The following NRXN1 variants were observed in gnomAD, a reference collection of about 807,000 sequenced individuals.
NRXN1 encodes the protein neurexin-1.
NRXN1 carries 39 observed loss-of-function variants against 150.9 expected under a neutral mutation model. The ratio of observed to expected loss-of-function variants is 0.26; its 90% confidence interval spans 0.20 to 0.34. NRXN1 has a LOEUF of 0.34. Ranked by LOEUF, NRXN1 falls within the 10% of genes least tolerant of loss-of-function variation. The pLI is 1.00. For missense variants in NRXN1, 1,815 were observed against 1,949.9 expected (o/e 0.93, Z 1.30); for synonymous variants, 924 against 757.0 (o/e 1.22, Z -3.62).
At chr2:50,431,979 C>T (rs746126503) in intron 17 of NRXN1, among the ~76,000 whole-genome samples, 1 of 152,156 alleles carries the variant, frequency 6.6e-6, no homozygotes, top group Non-Finnish European at 1.5e-5. Context: ...TGTATGTAAT[C>T]CTCACCACTA....
intron 21 of NRXN1, among the ~76,000 whole-genome samples, chr2:50,042,044 C>A (rs927665830): frequency 5.3e-5 from 8 of 152,166 alleles, no homozygotes; most frequent in Non-Finnish European, 1.2e-4. Context: ...ATATCGCATC[C>A]ACCCCTTTTT....
At position 50,276,368 on chromosome 2, in the gene NRXN1, G is replaced by A. The variant is rs1472305318; in HGVS notation, c.3365-39398C>T. Among the ~76,000 whole-genome samples the A allele has an allele frequency of 3.3e-5, 5 of 152,064 alleles. No homozygotes were observed. In the East Asian group the frequency reaches 9.6e-4, roughly 29 times the overall value. On this transcript the variant is annotated intron_variant, in intron 17 of 22. Coordinates refer to ENST00000401669, the MANE Select transcript of NRXN1 (RefSeq NM_001330078.2). ...CATGATACAAGTATGTTTATATAAC[G>A]GGAAGAACATTAAAAGGTAGAGTTT...
At chr2:50,488,559 C>G (rs1267825538) in intron 15 of NRXN1, among the ~76,000 whole-genome samples, 1 of 152,178 alleles carries the variant, frequency 6.6e-6, no homozygotes, top group African/African-American at 2.4e-5. Flanking sequence ...TTGCTAAGAG[C>G]TTTCCTGAGT....
At position 50,053,295 on chromosome 2, in the gene NRXN1, G is replaced by C. The variant is rs1365795631; in HGVS notation, c.4104C>G (p.Pro1368=). Residue 1368 remains proline, a synonymous_variant, in exon 21 of 23, where the codon CCC becomes CCG. Transcript: ENST00000401669. ...LATSTARRGK[P]PTKEPISQTT... is the part of the protein sequence containing the mutation. ...CCTGGCTAATGGGTTCTTTTGTCGG[G>C]GGCTTTCCTCTTCTGGCTGTGCTAG... 6.2e-7 allele frequency: 1 copy of C among 1,613,898 alleles called. No homozygotes were observed. Among genetic ancestry groups the C allele is most frequent in the South Asian group, 1.1e-5 (1 of 91,078 alleles).
chr2:50,188,997 C>T (rs946573086), intron 18 of NRXN1, among the ~76,000 whole-genome samples: 18 of 152,130 alleles, frequency 1.2e-4, no homozygotes, highest in African/African-American at 3.6e-4. Context: ...TATCATTTGA[C>T]CCAGCAATCC....
intron 5 of NRXN1, among the ~76,000 whole-genome samples, chr2:50,701,001 G>T (rs575124563): frequency 1.3e-5 from 2 of 151,976 alleles, no homozygotes; most frequent in Non-Finnish European, 2.9e-5. Flanking sequence ...TAAATTGTCC[G>T]AAGGGTGCTT....
chr2:50,641,916 G>C (rs917906275), intron 5 of NRXN1, among the ~76,000 whole-genome samples: 6 of 152,020 alleles, frequency 3.9e-5, no homozygotes, highest in African/African-American at 1.4e-4. Flanking sequence ...TCTTGATGCT[G>C]TCCATTCTGC....
chr2:50,061,665 T>C (rs147040366), intron 19 of NRXN1, among the ~76,000 whole-genome samples: 6 of 152,312 alleles, frequency 3.9e-5, no homozygotes, highest in East Asian at 3.9e-4. Context: ...GCTGAGCAAA[T>C]AGGCTTGATT....
At chr2:50,962,596 A>G (rs1693384455) in intron 2 of NRXN1, among the ~76,000 whole-genome samples, 1 of 151,590 alleles carries the variant, frequency 6.6e-6, no homozygotes, top group South Asian at 2.1e-4. Flanking sequence ...CCAGTCTACA[A>G]GCTTATGGGA....
At chr2:50,656,464 T>C in intron 5 of NRXN1, 1 of 742,308 alleles carries the variant, frequency 1.3e-6, no homozygotes, top group Non-Finnish European at 2.5e-6. Flanking sequence ...TCTTTTCAGT[T>C]TTTGCTCTGT....
chr2:50,300,564 A>G (rs2074053008), intron 17 of NRXN1, among the ~76,000 whole-genome samples: 1 of 152,194 alleles, frequency 6.6e-6, no homozygotes, highest in Non-Finnish European at 1.5e-5. Context: ...GGAATTTTTC[A>G]GTCTCCCTTG....
intron 5 of NRXN1, among the ~76,000 whole-genome samples, chr2:50,724,350 T>C (rs1382382200): frequency 6.6e-6 from 1 of 152,198 alleles, no homozygotes; most frequent in Non-Finnish European, 1.5e-5. Context: ...AAGGAACCTT[T>C]AGAAATAGTT....
chr2:50,276,853 C>T (rs2070545077), intron 17 of NRXN1, among the ~76,000 whole-genome samples: 1 of 151,974 alleles, frequency 6.6e-6, no homozygotes, highest in Admixed American at 6.6e-5. Flanking sequence ...GCTATTTATG[C>T]CAAATTTGAA....
rs764073226 is a variant in NRXN1 at position 50,019,641 on chromosome 2, C to CAA, written c.4128+33628_4128+33629dup. On this transcript the variant is annotated intron_variant, in intron 21 of 22. Transcript: ENST00000401669. ...TGTAAGAAGGAGCAAGATTCCGTCT[C>CAA]AAAAAAAAAAAAAAAAAAAAGGAGG... Among the ~76,000 whole-genome samples the CAA allele has an allele frequency of 3.9e-3, 99 of 25,552 alleles. 9 individuals are homozygous for CAA. Among genetic ancestry groups the CAA allele is most frequent in the African/African-American group, 0.018 (92 of 5,104 alleles). 16.8% of individuals were successfully genotyped at this position (25,552 alleles called of 152,430 possible). A position where few individuals can be genotyped will look rare whatever the true frequency, so the allele number is the denominator to read the frequency against.
chr2:50,734,900 C>T (rs1698533323), intron 5 of NRXN1, among the ~76,000 whole-genome samples: 1 of 152,096 alleles, frequency 6.6e-6, no homozygotes, highest in Admixed American at 6.6e-5. Context: ...ATCCAAATGT[C>T]AACGAACAAC....
At chr2:50,300,718 CAG>C (rs1454634527) in intron 17 of NRXN1, among the ~76,000 whole-genome samples, 1 of 152,134 alleles carries the variant, frequency 6.6e-6, no homozygotes, top group Non-Finnish European at 1.5e-5. Context: ...TGTTTTGAGA[CAG>C]AGTCTTGCTC....
intron 5 of NRXN1, among the ~76,000 whole-genome samples, chr2:50,777,477 T>C (rs552739338): frequency 1.3e-5 from 2 of 152,124 alleles, no homozygotes; most frequent in African/African-American, 4.8e-5. Context: ...CATTTAACAA[T>C]CAGAATTGCT....
intron 5 of NRXN1, among the ~76,000 whole-genome samples, chr2:50,881,166 C>T (rs975360312): frequency 6.6e-6 from 1 of 151,894 alleles, no homozygotes; most frequent in East Asian, 1.9e-4. Context: ...AAGAGTCCTC[C>T]TCTCTGCTTA....
chr2:50,705,529 A>G (rs1036799629), intron 5 of NRXN1, among the ~76,000 whole-genome samples: 4 of 152,232 alleles, frequency 2.6e-5, no homozygotes, highest in Non-Finnish European at 4.4e-5. Context: ...GTGATCTGGC[A>G]CTATGAATAA....
Sources: allele counts gnomAD v4.1 joint callset (sites outside exome capture counted in the v4.1 genomes callset), GRCh38; gene constraint gnomAD v4.1.1; transcripts MANE v1.5; gene names NCBI Gene and HGNC (gene_info 2026-07-23, HGNC 2026-07-21).